The following LRMDA variants were observed in gnomAD, a reference collection of about 807,000 sequenced individuals.
LRMDA encodes the protein leucine-rich melanocyte differentiation-associated protein.
In LRMDA, 18 loss-of-function variants were observed where a neutral mutation model predicts 29.8. That is an observed-to-expected ratio of 0.60 (90% confidence interval 0.42 to 0.90). The LOEUF (loss-of-function observed/expected upper bound fraction) is 0.90, where lower values mean the gene tolerates loss of function less well. Among genes scored for constraint, LRMDA ranks in the 40% least tolerant of loss-of-function variants. The pLI is 0.00. For missense variants in LRMDA, 273 were observed against 273.9 expected, an observed-to-expected ratio of 1.00 and a Z score of 0.02; for synonymous variants, 125 against 109.4, an observed-to-expected ratio of 1.14 and a Z score of -0.89.
intron 2 of LRMDA, among the ~76,000 whole-genome samples, chr10:75,553,648 G>T (rs1482221070): frequency 6.6e-6 from 1 of 152,042 alleles, no homozygotes; most frequent in Non-Finnish European, 1.5e-5. Flanking sequence ...TAACTGAAAA[G>T]GTTTTCTACC....
chr10:75,685,565 A>G (rs540919303), intron 2 of LRMDA, among the ~76,000 whole-genome samples: 2 of 152,294 alleles, frequency 1.3e-5, no homozygotes, highest in East Asian at 1.9e-4. Context: ...TCATGTGGTC[A>G]TTGAGAGCTT....
chr10:76,289,424 C>T (rs1438966428), intron 5 of LRMDA, among the ~76,000 whole-genome samples: 9 of 152,080 alleles, frequency 5.9e-5, no homozygotes, highest in Non-Finnish European at 1.2e-4. Context: ...TTTTTTTCAA[C>T]ATCTCCTCCT....
chr10:76,044,732 G>T (rs1406188291), intron 3 of LRMDA, among the ~76,000 whole-genome samples: 2 of 152,060 alleles, frequency 1.3e-5, no homozygotes, highest in African/African-American at 4.8e-5. Context: ...TCATTCTAGT[G>T]TTCCTGTATG....
intron 2 of LRMDA, among the ~76,000 whole-genome samples, chr10:75,801,509 C>T (rs1843743190): frequency 1.3e-5 from 2 of 152,154 alleles, no homozygotes; most frequent in Non-Finnish European, 2.9e-5. Context: ...CTTTCCAGTG[C>T]CTTCTATTAG....
At chr10:76,485,951 C>T (rs973899471) in intron 6 of LRMDA, among the ~76,000 whole-genome samples, 5 of 151,934 alleles carry the variant, frequency 3.3e-5, no homozygotes, top group African/African-American at 1.2e-4. Context: ...CAGAAAAAGC[C>T]AAACAGGGGC....
chr10:76,200,537 C>A (rs1161202435), intron 5 of LRMDA, among the ~76,000 whole-genome samples: 1 of 151,930 alleles, frequency 6.6e-6, no homozygotes, highest in Non-Finnish European at 1.5e-5. Flanking sequence ...GTGGGATGGT[C>A]ATATGGGTTT....
intron 2 of LRMDA, among the ~76,000 whole-genome samples, chr10:75,544,050 A>T (rs1840049558): frequency 6.6e-6 from 1 of 152,174 alleles, no homozygotes; most frequent in South Asian, 2.1e-4. Context: ...AGTGCCAGGG[A>T]CATCCTTAAA....
chr10:76,333,711 C>G (rs1840932804), intron 6 of LRMDA, among the ~76,000 whole-genome samples: 1 of 152,158 alleles, frequency 6.6e-6, no homozygotes, highest in Non-Finnish European at 1.5e-5. Context: ...AACTAAAACA[C>G]AGGGCCCAGG....
intron 5 of LRMDA, among the ~76,000 whole-genome samples, chr10:76,135,282 G>T (rs868555386): frequency 6.6e-6 from 1 of 152,190 alleles, no homozygotes; most frequent in African/African-American, 2.4e-5. Flanking sequence ...GCCCTTGCAG[G>T]CTTGATGAAC....
At chr10:76,182,200 G>A (rs975026451) in intron 5 of LRMDA, among the ~76,000 whole-genome samples, 4 of 152,110 alleles carry the variant, frequency 2.6e-5, no homozygotes, top group African/African-American at 9.7e-5. Context: ...GAAGGCAAAG[G>A]GAAGCAAGGC....
At chr10:75,484,340 C>A (rs867177949) in intron 2 of LRMDA, among the ~76,000 whole-genome samples, 3 of 151,978 alleles carry the variant, frequency 2.0e-5, no homozygotes, top group Admixed American at 6.6e-5. Context: ...CTTAAAAACC[C>A]CCCCTTAGTA....
intron 6 of LRMDA, among the ~76,000 whole-genome samples, chr10:76,490,517 T>C (rs188347966): frequency 1.1e-4 from 17 of 151,952 alleles, no homozygotes; most frequent in African/African-American, 7.2e-5. Context: ...AATTGACCCT[T>C]TTTCATTATA....
At chr10:75,981,003 T>A (rs1446589544) in intron 2 of LRMDA, among the ~76,000 whole-genome samples, 1 of 152,236 alleles carries the variant, frequency 6.6e-6, no homozygotes, top group Non-Finnish European at 1.5e-5. Flanking sequence ...GCAGCTCAAC[T>A]TTATGTCAAA....
chr10:76,533,522 T>C (rs1843257920), intron 6 of LRMDA, among the ~76,000 whole-genome samples: 1 of 152,210 alleles, frequency 6.6e-6, no homozygotes, highest in Non-Finnish European at 1.5e-5. Flanking sequence ...CTTGCTGTCA[T>C]TCAGGAGCTT....
intron 2 of LRMDA, among the ~76,000 whole-genome samples, chr10:75,566,928 T>TG (rs910853579): frequency 1.6e-4 from 24 of 152,334 alleles, no homozygotes; most frequent in African/African-American, 5.5e-4. Flanking sequence ...TGACATCCCA[T>TG]GGGGGGCCTC....
At chr10:75,769,777 G>A (rs940501785) in intron 2 of LRMDA, among the ~76,000 whole-genome samples, 16 of 152,096 alleles carry the variant, frequency 1.1e-4, no homozygotes, top group African/African-American at 3.1e-4. Flanking sequence ...TTGTGTAGCC[G>A]CTTGATCAAG....
rs371524953 is a variant in LRMDA at position 75,714,651 on chromosome 10, CT to C, written c.131+276158del. On this transcript the variant is annotated intron_variant, in intron 2 of 6. Transcript: ENST00000611255. The stretch of plus-strand genomic sequence containing the variant: ...CCAGATTTTCTCTGTCAGTCTCATG[CT>C]GTTGGGCATTTAGGCTACTTAAATT... 2.6e-3 allele frequency among the ~76,000 whole-genome samples: 394 copies of C among 152,318 alleles called. 1 individual carries two copies. The highest frequency in any genetic ancestry group is 9.0e-3 in the African/African-American group (374 of 41,568).
chr10:76,430,555 C>A (rs915940823), intron 6 of LRMDA, among the ~76,000 whole-genome samples: 9 of 152,138 alleles, frequency 5.9e-5, no homozygotes, highest in Admixed American at 1.3e-4. Flanking sequence ...GTGATTTCTC[C>A]AGGCAGGCAG....
intron 2 of LRMDA, among the ~76,000 whole-genome samples, chr10:75,565,239 C>T (rs1014471479): frequency 2.0e-5 from 3 of 152,138 alleles, no homozygotes; most frequent in African/African-American, 7.2e-5. Context: ...GGTTTTGTTT[C>T]CTAGGTTGTG....
Sources: allele counts gnomAD v4.1 joint callset (sites outside exome capture counted in the v4.1 genomes callset), GRCh38; gene constraint gnomAD v4.1.1; transcripts MANE v1.5; gene names NCBI Gene and HGNC (gene_info 2026-07-23, HGNC 2026-07-21).